The following XKR6 variants were observed in gnomAD, a reference collection of about 807,000 sequenced individuals.
XKR6 encodes XK-related protein 6.
XKR6 carries 22 observed loss-of-function variants against 56.7 expected under a neutral mutation model. The ratio of observed to expected loss-of-function variants is 0.39; its 90% confidence interval spans 0.28 to 0.55. The LOEUF is 0.55. XKR6 is among the 20% of genes least tolerant of loss of function. XKR6 has a pLI of 0.66. For synonymous variants in XKR6, 524 were observed against 387.8 expected, an observed-to-expected ratio of 1.35 and a Z score of -4.13; for missense variants, 852 against 889.0, an observed-to-expected ratio of 0.96 and a Z score of 0.53.
intron 1 of XKR6, chr8:11,106,700 A>T (rs1266594569): frequency 1.3e-5 from 2 of 151,938 alleles, no homozygotes; most frequent in Non-Finnish European, 2.9e-5. Context: ...AATACAAAAA[A>T]TTAGCTGGGC....
intron 1 of XKR6, among the ~76,000 whole-genome samples, chr8:11,027,846 G>T (rs182943577): frequency 6.6e-6 from 1 of 152,062 alleles, no homozygotes; most frequent in Non-Finnish European, 1.5e-5. Context: ...TACCTACAAG[G>T]CCCACAGTTA....
At chr8:10,993,414 G>T (rs555535795) in intron 1 of XKR6, among the ~76,000 whole-genome samples, 352 of 152,336 alleles carry the variant, frequency 2.3e-3, no homozygotes, top group Non-Finnish European at 3.3e-3. Flanking sequence ...GAGGAGGGAG[G>T]AGGCGGGGAC....
In XKR6 at chr8:10,952,331, C is replaced by T. The variant is rs532673263; in HGVS notation, c.765-27501G>A. 4.1e-4 allele frequency among the ~76,000 whole-genome samples: 62 copies of T among 152,352 alleles called. 1 individual carries two copies. Among genetic ancestry groups the T allele is most frequent in the African/African-American group, 1.4e-3 (57 of 41,590 alleles). On this transcript the variant is annotated intron_variant, in intron 1 of 2. Transcript: ENST00000416569. ...CACCCACATCATCCATGAGCTTGCT[C>T]ATTGTATGCACAGTCCATAAACCCC...
At chr8:11,012,784 C>T (rs1798530548) in intron 1 of XKR6, among the ~76,000 whole-genome samples, 1 of 152,156 alleles carries the variant, frequency 6.6e-6, no homozygotes, top group South Asian at 2.1e-4. Context: ...CATTAACTGC[C>T]ACAAACTAAT....
intron 1 of XKR6, among the ~76,000 whole-genome samples, chr8:11,172,505 G>A (rs367876781): frequency 7.9e-5 from 12 of 152,194 alleles, no homozygotes; most frequent in African/African-American, 2.6e-4. Context: ...TTTTAGATCT[G>A]CACAAGTACC....
chr8:11,189,815 C>G lies in XKR6; in HGVS notation c.764+10761G>C, dbSNP rs148504299. 3.4e-3 allele frequency among the ~76,000 whole-genome samples: 515 copies of G among 152,294 alleles called. 5 individuals are homozygous for G. The highest frequency in any genetic ancestry group is 0.012 in the African/African-American group (489 of 41,572). On this transcript the variant is annotated intron_variant, in intron 1 of 2. Transcript: ENST00000416569. ...GATTACAGTCTCTTATGGTAGATCT[C>G]AAATATCTGGCTCCTCAAGTGATTC...
intron 1 of XKR6, chr8:11,175,177 A>T (rs1228200890): frequency 6.5e-6 from 1 of 152,698 alleles, no homozygotes; most frequent in East Asian, 1.9e-4. Context: ...ATGAAAAGCC[A>T]CCAGGTAACT....
At chr8:11,068,428 G>A (rs995705105) in intron 1 of XKR6, among the ~76,000 whole-genome samples, 5 of 152,204 alleles carry the variant, frequency 3.3e-5, no homozygotes, top group Non-Finnish European at 7.4e-5. Flanking sequence ...TGACACAGAT[G>A]TTTGGGACCC....
intron 1 of XKR6, among the ~76,000 whole-genome samples, chr8:11,171,164 T>A (rs1182472579): frequency 2.6e-5 from 4 of 152,208 alleles, no homozygotes; most frequent in Non-Finnish European, 5.9e-5. Context: ...AAAGAAAGGA[T>A]CTGCTGAAGT....
intron 1 of XKR6, among the ~76,000 whole-genome samples, chr8:11,118,165 T>C (rs1290819294): frequency 6.6e-6 from 1 of 152,140 alleles, no homozygotes; most frequent in Non-Finnish European, 1.5e-5. Flanking sequence ...ATAACCACAA[T>C]ACAGTACTAC....
intron 1 of XKR6, among the ~76,000 whole-genome samples, chr8:10,942,799 C>G (rs920190088): frequency 6.6e-6 from 1 of 152,238 alleles, no homozygotes; most frequent in Non-Finnish European, 1.5e-5. Flanking sequence ...CTTCCCTTAT[C>G]CCATGCCTAG....
intron 1 of XKR6, chr8:11,108,856 A>G (rs572036804): frequency 2.0e-5 from 3 of 153,408 alleles, no homozygotes; most frequent in African/African-American, 7.2e-5. Flanking sequence ...ACGAATACGT[A>G]TGTCTGTACA....
At chr8:11,118,186 CA>C in intron 1 of XKR6, among the ~76,000 whole-genome samples, 1 of 152,038 alleles carries the variant, frequency 6.6e-6, no homozygotes, top group East Asian at 1.9e-4. Context: ...TCTTAATATA[CA>C]AAAAAATGAA....
intron 1 of XKR6, among the ~76,000 whole-genome samples, chr8:11,116,822 T>C (rs563879532): frequency 1.2e-4 from 19 of 152,336 alleles, no homozygotes; most frequent in Admixed American, 9.2e-4. Flanking sequence ...CTTGATGTTT[T>C]GTAATGCAGG....
chr8:11,142,131 A>T (rs936119993), intron 1 of XKR6, among the ~76,000 whole-genome samples: 5 of 152,164 alleles, frequency 3.3e-5, no homozygotes, highest in African/African-American at 1.2e-4. Context: ...ACACACATAC[A>T]TTTCAGCCCT....
chr8:10,962,492 A>G (rs1465165763), intron 1 of XKR6, among the ~76,000 whole-genome samples: 1 of 151,986 alleles, frequency 6.6e-6, no homozygotes, highest in Non-Finnish European at 1.5e-5. Context: ...GCTCAAATGT[A>G]TTTTTGTTTA....
chr8:11,113,294 T>C (rs369894755), intron 1 of XKR6, among the ~76,000 whole-genome samples: 3 of 152,192 alleles, frequency 2.0e-5, no homozygotes, highest in East Asian at 1.9e-4. Flanking sequence ...GAGTTAAACA[T>C]AGTAACTGCC....
chr8:11,200,714 G>A lies in XKR6; in HGVS notation c.626C>T (p.Ala209Val). The change falls in exon 1 of 3, where the codon GCC (alanine) becomes GTC (valine). Residue 209 changes from alanine (A) to valine (V), a missense_variant. By Grantham distance (64) the Ala-to-Val change is moderately conservative (BLOSUM62 0). Coordinates refer to ENST00000416569, the MANE Select transcript of XKR6 (RefSeq NM_173683.4). This position sits in a 1 kb window ranked among gnomAD's most constrained non-coding sequence, Gnocchi z 6.4. The part of the protein sequence containing the change: ...LTSRGPPMMG[A>V]GYVHGAARGG... ...GCGGGCCGCGCCGTGGACGTAGCCGGCCCCCATCATGGGGGGGCCCCGGCT... is the reference window on the plus strand; with the variant it reads ...GCGGGCCGCGCCGTGGACGTAGCCGACCCCCATCATGGGGGGGCCCCGGCT... 1 of 1,587,702 alleles carries A rather than the reference G, an allele frequency of 6.3e-7. No homozygotes were observed. Among genetic ancestry groups the A allele is most frequent in the Non-Finnish European group, 8.5e-7 (1 of 1,171,756 alleles).
chr8:11,155,541 G>A (rs1326992944), intron 1 of XKR6, among the ~76,000 whole-genome samples: 1 of 152,192 alleles, frequency 6.6e-6, no homozygotes, highest in Non-Finnish European at 1.5e-5. Flanking sequence ...AGAACTATAT[G>A]CACACAAATA....
Sources: gnomAD v4.1 joint callset for allele counts (sites outside exome capture counted in the v4.1 genomes callset) on GRCh38, gnomAD v4.1.1 for gene constraint, Gnocchi (gnomAD v3.1) non-coding constraint, MANE v1.5 for transcripts, NCBI Gene and HGNC (gene_info 2026-07-23, HGNC 2026-07-21) for gene names.